DOP1A: variants seen among roughly 807,000 people sequenced by gnomAD.
The protein encoded by DOP1A is DOP1 leucine zipper like protein A, also known as protein DOP1A.
Under a neutral mutation model 267.6 loss-of-function variants are expected in DOP1A, and 90 were observed. That is an observed-to-expected ratio of 0.34 (90% CI 0.28 to 0.40). DOP1A has a LOEUF of 0.40. DOP1A is among the 10% of genes least tolerant of loss of function. The pLI is 1.00. For missense variants in DOP1A, 2,437 were observed against 2,900.4 expected (o/e 0.84, Z 3.67); for synonymous variants, 932 against 999.1 (o/e 0.93, Z 1.27).
At chr6:83,097,358 A>C (rs747740116) in intron 3 of DOP1A, among the ~76,000 whole-genome samples, 1 of 152,224 alleles carries the variant, frequency 6.6e-6, no homozygotes, top group Non-Finnish European at 1.5e-5. Flanking sequence ...CATGATTATC[A>C]GCTATAAAAA....
chr6:83,106,772 C>T (rs899240578), intron 4 of DOP1A, among the ~76,000 whole-genome samples: 1 of 146,756 alleles, frequency 6.8e-6, no homozygotes, highest in Non-Finnish European at 1.5e-5. Flanking sequence ...TGCACCACTA[C>T]ACTTCAGCAT....
intron 37 of DOP1A, 149 bp downstream of exon 37, chr6:83,160,109 A>C: frequency 2.6e-6 from 2 of 777,238 alleles, no homozygotes; most frequent in Non-Finnish European, 4.0e-6. Context: ...CAGCAGAGTT[A>C]TCGGAAGTAA....
At chr6:83,163,060 ATGTCC>A (rs1784607656) in intron 38 of DOP1A, 141 bp downstream of exon 38, 2 of 877,092 alleles carry the variant, frequency 2.3e-6, no homozygotes, top group South Asian at 4.4e-5. Context: ...TTGAGAGTTA[ATGTCC>A]ATAAGCCTCA....
intron 36 of DOP1A, among the ~76,000 whole-genome samples, chr6:83,158,824 G>A (rs1049796848): frequency 6.6e-6 from 1 of 152,036 alleles, no homozygotes; most frequent in Non-Finnish European, 1.5e-5. Context: ...TCATTGCCCT[G>A]GGCCCCTAGA....
chr6:83,135,502 G>T, intron 19 of DOP1A, 117 bp from the exon 20 acceptor site: 2 of 1,115,878 alleles, frequency 1.8e-6, no homozygotes, highest in Non-Finnish European at 2.5e-6. Flanking sequence ...TTATCCTGAA[G>T]TATGACTACT....
intron 23 of DOP1A, among the ~76,000 whole-genome samples, 189 bp from the exon 24 acceptor site, chr6:83,141,732 G>A (rs565457194): frequency 2.6e-4 from 39 of 152,066 alleles, no homozygotes; most frequent in South Asian, 1.5e-3. Context: ...CATTTTATAG[G>A]ATTTGTTTTT....
intron 7 of DOP1A, among the ~76,000 whole-genome samples, chr6:83,117,119 TTTTTATTTTATTTTATTTTA>T (rs55825933): frequency 3.8e-5 from 5 of 131,354 alleles, no homozygotes; most frequent in East Asian, 4.5e-4. Context: ...TTTTAGTACT[TTTTTATTTTATTTTATTTTA>T]TTTTATTTTA....
intron 26 of DOP1A, 135 bp from the exon 27 acceptor site, chr6:83,148,624 A>G (rs1780996470): frequency 3.6e-6 from 2 of 551,952 alleles, no homozygotes; most frequent in Non-Finnish European, 6.2e-6. Context: ...TGGTTTACTA[A>G]TTAACGTTAG....
At chr6:83,100,404 TAAAAATTTACCAAA>T (rs1437903238) in intron 3 of DOP1A, among the ~76,000 whole-genome samples, 1 of 152,104 alleles carries the variant, frequency 6.6e-6, no homozygotes, top group Non-Finnish European at 1.5e-5. Context: ...CATCAAATAT[TAAAAATTTACCAAA>T]AAAAATCTAA....
chr6:83,126,743 A>C (rs1014795626), intron 15 of DOP1A, among the ~76,000 whole-genome samples: 4 of 152,274 alleles, frequency 2.6e-5, no homozygotes, highest in Middle Eastern at 3.4e-3. Context: ...GAAGTATAAC[A>C]GCCCAGTGAG....
At chr6:83,074,187 T>G (rs913677495) in intron 1 of DOP1A, among the ~76,000 whole-genome samples, 1 of 152,186 alleles carries the variant, frequency 6.6e-6, no homozygotes. Context: ...TGAAAATTAA[T>G]GTACCAAACA....
At position 83,138,770 on chromosome 6, in the gene DOP1A, C is replaced by T. The variant is rs1779200055; in HGVS notation, c.4728C>T (p.Ser1576=). ...NFSEDEFDNG[S]TLQSQLLKVL... ...CAGAGGATGAATTTGACAATGGCAG[C>T]ACGTTGCAGTCACAACTTCTTAAGG... is the stretch of plus-strand genomic sequence containing the variant. The change falls in exon 21 of 39, where the codon AGC becomes AGT. Residue 1576 remains serine (S), a synonymous_variant. Transcript: ENST00000349129. The T allele has an allele frequency of 6.2e-7, 1 of 1,613,908 alleles. No homozygotes were observed. Among genetic ancestry groups the T allele is most frequent in the African/African-American group, 1.3e-5 (1 of 74,916 alleles).
At position 83,077,513 on chromosome 6, in the gene DOP1A, T is replaced by A. The variant is rs545128503; in HGVS notation, c.-147+9734T>A. 6.5e-4 allele frequency among the ~76,000 whole-genome samples: 92 copies of A among 141,254 alleles called. 1 individual carries two copies. In the South Asian group the frequency reaches 0.011, roughly 17 times the overall value. The allele number at this position is 141,254 out of a possible 152,430, so 92.7% of individuals were successfully genotyped here. On this transcript the variant is annotated intron_variant, in intron 1 of 38. Transcript: ENST00000349129. ...GTAAGACCCTGTCTACAAAAAAAAA[T>A]TTTTTTTTTTTAATTAGCTAGGCAT...
chr6:83,079,575 T>C (rs1388817571), intron 1 of DOP1A, among the ~76,000 whole-genome samples: 5 of 152,184 alleles, frequency 3.3e-5, no homozygotes, highest in African/African-American at 4.8e-5. Flanking sequence ...AGTAAGTTAA[T>C]AGCATACTAT....
chr6:83,106,579 G>A (rs1255456622), intron 4 of DOP1A, among the ~76,000 whole-genome samples: 5 of 152,156 alleles, frequency 3.3e-5, no homozygotes, highest in Non-Finnish European at 7.3e-5. Context: ...GGAGGCCGAG[G>A]TGGGTGGATT....
At chr6:83,070,667 C>G (rs531812441) in intron 1 of DOP1A, among the ~76,000 whole-genome samples, 18 of 152,050 alleles carry the variant, frequency 1.2e-4, no homozygotes, top group Non-Finnish European at 2.1e-4. Context: ...CCCTGTGAAC[C>G]TTTTTTTGAT....
In DOP1A at chr6:83,162,796, A is replaced by G. The variant is rs1309492397; in HGVS notation, c.6969A>G (p.Arg2323=). 6.2e-7 allele frequency: 1 copy of G among 1,611,726 alleles called. No homozygotes were observed. Among genetic ancestry groups the G allele is most frequent in the African/African-American group, 1.3e-5 (1 of 74,810 alleles). Reference sequence around the variant, plus strand: ...GTCATTATTCTATACATAGGTACCGATGGGCCTTTATTCCAGAAGCCTCAG... The same window carrying G: ...GTCATTATTCTATACATAGGTACCGGTGGGCCTTTATTCCAGAAGCCTCAG... ...SENLPQFQMY[R]WAFIPEASDD... Residue 2323 remains arginine, a synonymous_variant, in exon 38 of 39, where the codon CGA becomes CGG. Transcript: ENST00000349129.
intron 7 of DOP1A, among the ~76,000 whole-genome samples, chr6:83,117,695 G>A (rs1430535607): frequency 6.6e-6 from 1 of 152,118 alleles, no homozygotes; most frequent in Non-Finnish European, 1.5e-5. Context: ...TAACATCTTT[G>A]TATTGTTATG....
rs138745432 is a variant in DOP1A, at chr6:83,072,924, A to G, written c.-147+5145A>G. On this transcript the variant is annotated intron_variant, in intron 1 of 38. Transcript: ENST00000349129. ...TCCATACATGCTTAACAGTTTAAAA[A>G]TTTCCTGGAGAGGTTTTTCTCCTGC... The G allele has an allele frequency of 3.0e-3, 990 of 328,842 alleles. 19 individuals carry two copies. Among genetic ancestry groups the G allele is most frequent in the South Asian group, 0.019 (739 of 39,268 alleles). 20.4% of individuals were successfully genotyped at this position (328,842 alleles called of 1,614,324 possible).
Sources: gnomAD v4.1 joint callset for allele counts (sites outside exome capture counted in the v4.1 genomes callset) on GRCh38, gnomAD v4.1.1 for gene constraint, MANE v1.5 for transcripts, NCBI Gene and HGNC (gene_info 2026-07-23, HGNC 2026-07-21) for gene names.